The following KANSL1 variants were observed in gnomAD, a reference collection of about 807,000 sequenced individuals.
KANSL1 encodes the protein KAT8 regulatory NSL complex subunit 1, also known as MLL1/MLL complex subunit KANSL1.
In KANSL1, 22 loss-of-function variants were observed where a neutral mutation model predicts 103.6. The observed-to-expected ratio is 0.21, with a 90% CI of 0.15 to 0.30. KANSL1 has a LOEUF of 0.30. Ranked by LOEUF, KANSL1 falls within the 10% of genes least tolerant of loss-of-function variation. KANSL1 has a pLI of 1.00. For synonymous variants in KANSL1, 600 were observed against 527.6 expected (o/e 1.14, Z -1.88); for missense variants, 1,337 against 1,399.8 (o/e 0.96, Z 0.72).
rs2077235534 is a variant in KANSL1 at position 46,039,098 on chromosome 17, G to A, written c.2321C>T (p.Pro774Leu). The A allele has an allele frequency of 2.5e-6, 4 of 1,612,378 alleles. No individual in the cohort carries two copies. The highest frequency in any genetic ancestry group is 1.7e-5 in the Admixed American group (1 of 59,632). Residue 774 changes from proline to leucine, a missense_variant, in exon 9 of 15, where the codon CCA (proline) becomes CTA (leucine). Pro to Leu is a moderately conservative substitution (Grantham distance 98, BLOSUM62 -3). Transcript: ENST00000432791. ...GTTTGGGTCATGCACGGGTGGTGGTGGGTTGAGCAAGCGCTCTGCTTTTGG... is the reference window on the plus strand; with the variant it reads ...GTTTGGGTCATGCACGGGTGGTGGTAGGTTGAGCAAGCGCTCTGCTTTTGG... ...TAPKAERLLN[P>L]PPPVHDPNHS... is the part of the protein sequence containing the mutation.
At chr17:46,047,233 TTGAAGAACAGA>T (rs1300523537) in intron 7 of KANSL1, among the ~76,000 whole-genome samples, 8 of 152,178 alleles carry the variant, frequency 5.3e-5, no homozygotes, top group South Asian at 2.1e-4. Flanking sequence ...ATGCAATCAT[TTGAAGAACAGA>T]TGCAGAACAG....
chr17:46,088,438 G>A (rs1336595539), intron 3 of KANSL1: 3 of 152,228 alleles, frequency 2.0e-5, no homozygotes, highest in Admixed American at 2.0e-4. Context: ...ACAGCTTTAT[G>A]AAAATTTTGA....
chr17:46,147,797 A>T (rs531777248), intron 2 of KANSL1, among the ~76,000 whole-genome samples: 109 of 152,374 alleles, frequency 7.2e-4, no homozygotes, highest in Non-Finnish European at 1.4e-3. Flanking sequence ...ATAGAAGACT[A>T]TATGACGGTA....
At chr17:46,060,544 A>C (rs150761750) in intron 6 of KANSL1, among the ~76,000 whole-genome samples, 1 of 152,306 alleles carries the variant, frequency 6.6e-6, no homozygotes, top group East Asian at 1.9e-4. Flanking sequence ...CTAAGGTACA[A>C]TTTTCTACAT....
intron 2 of KANSL1, among the ~76,000 whole-genome samples, chr17:46,101,754 C>CAAAAAAAAAAAAAAAAA (rs372439614): frequency 1.1e-5 from 1 of 93,682 alleles, no homozygotes; most frequent in African/African-American, 4.8e-5. Flanking sequence ...ACTCTGTCTA[C>CAAAAAAAAAAAAAAAAA]AAAAAAAAAA....
intron 2 of KANSL1, chr17:46,170,447 G>A (rs566747309): frequency 1.5e-5 from 3 of 206,620 alleles, no homozygotes; most frequent in South Asian, 1.7e-4. Flanking sequence ...TCCTACAAAG[G>A]TAACTAGGTC....
intron 10 of KANSL1, chr17:46,035,614 G>A (rs1180446524): frequency 1.3e-5 from 2 of 152,164 alleles, no homozygotes; most frequent in African/African-American, 4.8e-5. Flanking sequence ...TGTAGCTGAG[G>A]ATTAGTGATC....
At chr17:46,170,252 CTT>C (rs66556131) in intron 2 of KANSL1, 13,353 of 143,720 alleles carry the variant, frequency 0.093, 1 homozygote, top group Non-Finnish European at 0.14. Context: ...TTAAAATGGG[CTT>C]TTTTTTTTTT....
chr17:46,218,718 G>A (rs1309718260), intron 1 of KANSL1, among the ~76,000 whole-genome samples: 1 of 151,982 alleles, frequency 6.6e-6, no homozygotes, highest in African/African-American at 2.4e-5. Flanking sequence ...AGGAGACACA[G>A]GTTGCAGTGA....
At chr17:46,181,514 C>T (rs1221854197) in intron 1 of KANSL1, among the ~76,000 whole-genome samples, 2 of 152,196 alleles carry the variant, frequency 1.3e-5, no homozygotes, top group Non-Finnish European at 2.9e-5. Flanking sequence ...ACTGCAACCT[C>T]CGCCTCCCAG....
At chr17:46,047,589 G>A (rs2077555918) in intron 7 of KANSL1, among the ~76,000 whole-genome samples, 1 of 152,032 alleles carries the variant, frequency 6.6e-6, no homozygotes, top group African/African-American at 2.4e-5. Context: ...TTCAAAACCA[G>A]CCTGGGCAAT....
At chr17:46,148,421 A>G (rs1304812277) in intron 2 of KANSL1, among the ~76,000 whole-genome samples, 1 of 152,220 alleles carries the variant, frequency 6.6e-6, no homozygotes, top group Non-Finnish European at 1.5e-5. Context: ...ACCCCTAACC[A>G]TAAACAAGGG....
intron 2 of KANSL1, among the ~76,000 whole-genome samples, chr17:46,146,832 CAAAA>C (rs1023164178): frequency 1.3e-4 from 5 of 37,324 alleles, no homozygotes; most frequent in African/African-American, 3.3e-4. Flanking sequence ...GACTCCGTCT[CAAAA>C]AAAAAAAAAA....
chr17:46,128,559 T>G (rs1029196719), intron 2 of KANSL1, among the ~76,000 whole-genome samples: 2 of 152,154 alleles, frequency 1.3e-5, no homozygotes, highest in Non-Finnish European at 2.9e-5. Context: ...CCTTGTACAG[T>G]TGACAGTCAA....
chr17:46,175,666 A>G (rs1319968780), intron 1 of KANSL1, among the ~76,000 whole-genome samples: 1 of 152,104 alleles, frequency 6.6e-6, no homozygotes. Flanking sequence ...AATTATTAAC[A>G]CCAAAAGTTT....
chr17:46,050,405 A>G (rs2077670618), intron 7 of KANSL1, 128 bp downstream of exon 7: 1 of 939,144 alleles, frequency 1.1e-6, no homozygotes, highest in African/African-American at 1.7e-5. Context: ...ATTCTAAGAG[A>G]AGACTTGGTT....
intron 2 of KANSL1, among the ~76,000 whole-genome samples, chr17:46,151,013 C>G (rs966978634): frequency 1.1e-4 from 16 of 151,264 alleles, no homozygotes; most frequent in African/African-American, 3.4e-4. Context: ...ATAACATAGA[C>G]AAGTTCAGTC....
At chr17:46,071,889 C>A (rs929588125) in intron 4 of KANSL1, among the ~76,000 whole-genome samples, 2 of 152,142 alleles carry the variant, frequency 1.3e-5, no homozygotes, top group South Asian at 4.1e-4. Context: ...CCTCTGTAAT[C>A]CCCTCCTCTC....
At chr17:46,128,114 T>A (rs2043665535) in intron 2 of KANSL1, among the ~76,000 whole-genome samples, 1 of 152,088 alleles carries the variant, frequency 6.6e-6, no homozygotes, top group African/African-American at 2.4e-5. Context: ...CTGTGCCTGG[T>A]CGCTTCCCTA....
Sources: gnomAD v4.1 joint callset for allele counts (sites outside exome capture counted in the v4.1 genomes callset) on GRCh38, gnomAD v4.1.1 for gene constraint, MANE v1.5 for transcripts, NCBI Gene and HGNC (gene_info 2026-07-23, HGNC 2026-07-21) for gene names.